Variants in ABCA9 observed in about 807,000 individuals in gnomAD.
ABCA9 encodes the protein ATP-binding cassette sub-family A member 9.
In ABCA9, 183 loss-of-function variants were observed where a neutral mutation model predicts 205.3. The observed-to-expected ratio is 0.89, with a 90% CI of 0.79 to 1.01. The LOEUF (loss-of-function observed/expected upper bound fraction) is 1.01. Ranked by LOEUF, ABCA9 falls within the 50% of genes least tolerant of loss-of-function variation. ABCA9 has a pLI of 0.00. For missense variants in ABCA9, 1,805 were observed against 1,912.4 expected, an observed-to-expected ratio of 0.94 and a Z score of 1.05; for synonymous variants, 651 against 683.3, an observed-to-expected ratio of 0.95 and a Z score of 0.74.
intron 30 of ABCA9, 69 bp from the exon 31 acceptor site, chr17:68,989,187 A>AGGGC (rs1169512781): frequency 2.1e-6 from 2 of 970,832 alleles, no homozygotes; most frequent in Admixed American, 3.6e-5. Context: ...ATACCATTTG[A>AGGGC]GGGCTGTGTG....
chr17:69,017,855 ATACAT>A (rs1860259500), intron 20 of ABCA9, 66 bp from the exon 21 acceptor site: 8 of 1,528,430 alleles, frequency 5.2e-6, no homozygotes, highest in Middle Eastern at 3.9e-4. Flanking sequence ...AATATTAAAA[ATACAT>A]TACATCACAC....
the ABCA9 span, among the ~76,000 whole-genome samples, chr17:69,077,030 A>T: frequency 6.6e-6 from 1 of 151,518 alleles, no homozygotes; most frequent in Non-Finnish European, 1.5e-5. Context: ...CACTGATTTT[A>T]GTTATTTCTT....
intron 19 of ABCA9, 52 bp from the exon 20 acceptor site, chr17:69,018,631 GTTT>G (rs2070718169): frequency 7.3e-7 from 1 of 1,378,326 alleles, no homozygotes; most frequent in Non-Finnish European, 9.9e-7. Context: ...ACTTTTGTGG[GTTT>G]TTAAGTTTGA....
intron 34 of ABCA9, 131 bp from the exon 35 acceptor site, chr17:68,984,306 G>A: frequency 6.3e-6 from 8 of 1,277,622 alleles, no homozygotes; most frequent in Non-Finnish European, 8.6e-6. Flanking sequence ...AGGGGTGTGT[G>A]TAGGGATGAC....
chr17:69,046,928 T>C (rs2071736124), intron 3 of ABCA9, among the ~76,000 whole-genome samples: 1 of 112,460 alleles, frequency 8.9e-6, no homozygotes, highest in Non-Finnish European at 2.1e-5. Context: ...TTTATATATA[T>C]AGAAAATTTT....
At chr17:69,016,531 A>G in intron 21 of ABCA9, 141 bp from the exon 22 acceptor site, 1 of 711,454 alleles carries the variant, frequency 1.4e-6, no homozygotes, top group Non-Finnish European at 2.1e-6. Context: ...ACTATCACTC[A>G]TAATATTTGA....
intron 21 of ABCA9, 96 bp from the exon 22 acceptor site, chr17:69,016,486 A>G (rs2070619442): frequency 2.6e-6 from 3 of 1,148,314 alleles, no homozygotes; most frequent in Non-Finnish European, 3.6e-6. Context: ...TACTGATAAT[A>G]TAATAAGTCC....
intron 9 of ABCA9, chr17:69,033,161 G>A (rs2071209890): frequency 6.6e-6 from 1 of 152,192 alleles, no homozygotes; most frequent in South Asian, 2.1e-4. Context: ...ACAAAAATTA[G>A]CCAGGCATGG....
chr17:69,029,049 G>A (rs1023864806), intron 11 of ABCA9, 120 bp downstream of exon 11: 3 of 499,672 alleles, frequency 6.0e-6, no homozygotes, highest in Non-Finnish European at 1.0e-5. Flanking sequence ...GAAACATAAT[G>A]TGTTCAAATA....
In ABCA9 at chr17:68,984,128, A is replaced by G. The variant is rs1461999340; in HGVS notation, c.4427T>C (p.Leu1476Pro). ...AGCCTCTGCCATGTAGTGGGTGGTCAGGAGGGCGCCCCTCTCCGTGTTTCT... is the reference window on the plus strand; with the variant it reads ...AGCCTCTGCCATGTAGTGGGTGGTCGGGAGGGCGCCCCTCTCCGTGTTTCT... ...TFRNTERGAL[L>P]TTHYMAEAEA... is the part of the protein sequence containing the mutation. The change falls in exon 35 of 39, where the codon CTG (leucine) becomes CCG (proline). Residue 1476 changes from leucine (L) to proline (P), a missense_variant. Coordinates refer to ENST00000340001, the MANE Select transcript of ABCA9 (RefSeq NM_080283.4). The G allele has an allele frequency of 1.2e-6, 2 of 1,614,224 alleles. No homozygotes were observed. The highest frequency in any genetic ancestry group is 1.7e-5 in the Admixed American group (1 of 60,030).
At chr17:69,026,518 C>T (rs372084403) in intron 15 of ABCA9, 51 bp from the exon 16 acceptor site, 3 of 1,440,794 alleles carry the variant, frequency 2.1e-6, no homozygotes, top group Admixed American at 3.4e-5. Context: ...TATTTCTTTA[C>T]TATTCACAAA....
intron 37 of ABCA9, among the ~76,000 whole-genome samples, chr17:68,980,467 T>G (rs138147590): frequency 0.056 from 8,460 of 152,092 alleles, 544 homozygotes; most frequent in African/African-American, 0.15. Context: ...ATCATGCTGC[T>G]ATAAAGACAC....
chr17:68,989,569 CAG>C (rs1331600102), intron 30 of ABCA9, among the ~76,000 whole-genome samples: 2 of 152,186 alleles, frequency 1.3e-5, no homozygotes, highest in Non-Finnish European at 2.9e-5. Context: ...TCCTTCTTAA[CAG>C]AAAGACCGCC....
intron 6 of ABCA9, among the ~76,000 whole-genome samples, chr17:69,036,640 A>C (rs1953413025): frequency 6.6e-6 from 1 of 152,068 alleles, no homozygotes; most frequent in Non-Finnish European, 1.5e-5. Context: ...CAAAATAACC[A>C]GCCAGCATCA....
chr17:69,041,897 G>GA (rs1386569450), intron 6 of ABCA9, among the ~76,000 whole-genome samples: 1 of 152,070 alleles, frequency 6.6e-6, no homozygotes, highest in Admixed American at 6.6e-5. Flanking sequence ...CACTTGTGTA[G>GA]AAAATCACAT....
At chr17:69,050,074 T>C (rs2071850724) in intron 2 of ABCA9, among the ~76,000 whole-genome samples, 4 of 152,102 alleles carry the variant, frequency 2.6e-5, no homozygotes, top group South Asian at 4.1e-4. Context: ...AAGTCCTTTT[T>C]AAAAGAGTTA....
intron 4 of ABCA9, among the ~76,000 whole-genome samples, 187 bp downstream of exon 4, chr17:69,044,985 T>G (rs2071662764): frequency 6.6e-6 from 1 of 152,160 alleles, no homozygotes; most frequent in Non-Finnish European, 1.5e-5. Context: ...TATAATTTCT[T>G]AATAAAACAA....
At chr17:69,039,741 A>G (rs1182377414) in intron 6 of ABCA9, among the ~76,000 whole-genome samples, 2 of 152,170 alleles carry the variant, frequency 1.3e-5, no homozygotes, top group Non-Finnish European at 2.9e-5. Flanking sequence ...TGCAGATCAA[A>G]GGAAACTACA....
chr17:69,074,418 T>A, the ABCA9 span, among the ~76,000 whole-genome samples: 1 of 152,152 alleles, frequency 6.6e-6, no homozygotes, highest in Non-Finnish European at 1.5e-5. Context: ...CGTCTGTTAG[T>A]CCCCTGGGGG....
Sources: gnomAD v4.1 joint callset for allele counts (sites outside exome capture counted in the v4.1 genomes callset) on GRCh38, gnomAD v4.1.1 for gene constraint, MANE v1.5 for transcripts, NCBI Gene and HGNC (gene_info 2026-07-23, HGNC 2026-07-21) for gene names.